MEN1: variants seen among roughly 807,000 people sequenced by gnomAD.
MEN1 encodes the protein menin 1, also known as menin.
Under a neutral mutation model 58.0 loss-of-function variants are expected in MEN1, and 6 were observed. That is an observed-to-expected ratio of 0.10 (90% CI 0.06 to 0.20). The LOEUF (loss-of-function observed/expected upper bound fraction) is 0.20, where lower values mean the gene tolerates loss of function less well. Ranked by LOEUF, MEN1 falls within the 10% of genes least tolerant of loss-of-function variation. The pLI, the probability that MEN1 is intolerant of heterozygous loss-of-function variation, is 1.00. For synonymous variants in MEN1, 346 were observed against 350.7 expected (o/e 0.99, Z 0.15); for missense variants, 492 against 818.5 (o/e 0.60, Z 4.87).
Position 64,810,152 on chromosome 11 carries a change from A to C in MEN1, c.-23-20T>G. On this transcript the variant is annotated intron_variant, in intron 1 of 9. Transcript: ENST00000450708. ...GGCGGCCTGCAAGGCAAGCCGGGGG[A>C]GGGAGGGTCGGGCAGGTTCGGCCGG... 11 of 276,262 alleles carry C rather than the reference A, an allele frequency of 4.0e-5. No individual in the cohort carries two copies. The highest frequency in any genetic ancestry group is 6.9e-5 in the Non-Finnish European group (10 of 145,396). 17.1% of individuals were successfully genotyped at this position (276,262 alleles called of 1,614,324 possible). A position where few individuals can be genotyped will look rare whatever the true frequency, so the allele number is the denominator to read the frequency against.
At position 64,805,039 on chromosome 11, in the gene MEN1, C is replaced by T; in HGVS notation, c.1345G>A (p.Gly449Arg). The change falls in exon 9 of 10, where the codon GGA becomes AGA. Residue 449 changes from glycine (G) to arginine (R), a missense_variant. Gly to Arg is a moderately radical substitution (Grantham distance 125). Transcript: ENST00000450708. ...FLVQSLGRFE[G>R]QVRQKVRIVS... ...TCTGTGCAGCTGTCCCTCACCTGTCCCTCAAAACGGCCTAGGGACTGCACA... is the reference window on the plus strand; with the variant it reads ...TCTGTGCAGCTGTCCCTCACCTGTCTCTCAAAACGGCCTAGGGACTGCACA... The T allele has an allele frequency of 6.2e-7, 1 of 1,613,868 alleles. No individual in the cohort carries two copies. Among genetic ancestry groups the T allele is most frequent in the Non-Finnish European group, 8.5e-7 (1 of 1,180,034 alleles).
chr11:64,805,273 C>G (rs1275760144), intron 8 of MEN1, 75 bp from the exon 9 acceptor site: 2 of 1,533,658 alleles, frequency 1.3e-6, no homozygotes, highest in East Asian at 2.3e-5. Flanking sequence ...CCAGGCCCCC[C>G]ACCTAGGCAA....
intron 2 of MEN1, 134 bp from the exon 3 acceptor site, chr11:64,808,233 CTA>C (rs1941884092): frequency 1.2e-6 from 1 of 800,284 alleles, no homozygotes; most frequent in Non-Finnish European, 2.0e-6. Flanking sequence ...CTCCTGCCCA[CTA>C]TCCCTCCATC....
Position 64,803,864 on chromosome 11 carries a change from T to C in MEN1, c.*470A>G, listed in dbSNP as rs778272737. 2.2e-4 allele frequency: 55 copies of C among 249,118 alleles called. No individual in the cohort carries two copies. Among genetic ancestry groups the C allele is most frequent in the Non-Finnish European group, 3.1e-4 (39 of 125,774 alleles). The allele number at this position is 249,118 out of a possible 1,614,324, so 15.4% of individuals were successfully genotyped here. On this transcript the variant is annotated 3_prime_UTR_variant, in exon 10 of 10. Coordinates refer to ENST00000450708, the MANE Select transcript of MEN1 (RefSeq NM_001370259.2). Reference sequence around the variant, plus strand: ...GCAGGGAGCTTGGATTCGCAAGATATGGAATTCTGAAGTGCGGAAATATAC... The same window carrying C: ...GCAGGGAGCTTGGATTCGCAAGATACGGAATTCTGAAGTGCGGAAATATAC...
intron 6 of MEN1, 69 bp from the exon 7 acceptor site, chr11:64,806,437 A>G (rs1295555763): frequency 1.9e-6 from 3 of 1,575,004 alleles, no homozygotes; most frequent in Non-Finnish European, 2.6e-6. Context: ...CAAATGCCCC[A>G]CCAGGGCACA....
In MEN1 at chr11:64,810,106, C is replaced by T; in HGVS notation, c.4G>A (p.Gly2Arg). 1 of 1,578,886 alleles carries T rather than the reference C, an allele frequency of 6.3e-7. No homozygotes were observed. Among genetic ancestry groups the T allele is most frequent in the Non-Finnish European group, 8.6e-7 (1 of 1,165,584 alleles). The change falls in exon 2 of 10, where the codon GGG becomes AGG. Residue 2 changes from glycine (G) to arginine (R), a missense_variant. Around this residue, in one of 5 missense-constraint regions of MEN1, gnomAD observed 335 missense variants for 550.3 expected, o/e 0.61. Coordinates refer to ENST00000450708, the MANE Select transcript of MEN1 (RefSeq NM_001370259.2). Reference sequence around the variant, plus strand: ...AGCGTCTTCTGGGCGGCCTTCAGCCCCATGGCGGCGGGCGGTGGGCGGCGG... The same window carrying T: ...AGCGTCTTCTGGGCGGCCTTCAGCCTCATGGCGGCGGGCGGTGGGCGGCGG... M[G>R]LKAAQKTLFP...
In MEN1 at chr11:64,804,980, C is replaced by T. The variant is rs1941596056; in HGVS notation, c.1350+54G>A. On this transcript the variant is annotated intron_variant, in intron 9 of 9. Transcript: ENST00000450708. This position sits in a 1 kb window ranked among gnomAD's most constrained non-coding sequence, Gnocchi z 4.2. The stretch of plus-strand genomic sequence containing the variant: ...CTGGGCCAGAAAAGTCTGACAAGCC[C>T]GTGGCTGCTGTCACCACCTGTAGTG... 5 of 1,607,364 alleles carry T rather than the reference C, an allele frequency of 3.1e-6. No individual in the cohort carries two copies. Among genetic ancestry groups the T allele is most frequent in the Non-Finnish European group, 4.2e-6 (5 of 1,179,630 alleles).
chr11:64,807,268 G>A lies in MEN1; in HGVS notation c.784-49C>T, dbSNP rs200837838. 33 of 1,594,498 alleles carry A rather than the reference G, an allele frequency of 2.1e-5. No homozygotes were observed. In the East Asian group the frequency reaches 6.3e-4, roughly 30 times the overall value. On this transcript the variant is annotated intron_variant, in intron 4 of 9. Transcript: ENST00000450708. This position sits in a 1 kb window ranked among gnomAD's most constrained non-coding sequence, Gnocchi z 4.9. ...TGAGCCACGGAACAGGGAGGAGAAC[G>A]GGTCCTTAGCCTATCGGGCAGAGGT... is the stretch of plus-strand genomic sequence containing the variant.
intron 6 of MEN1, 86 bp from the exon 7 acceptor site, chr11:64,806,454 AGG>A: frequency 1.3e-6 from 2 of 1,504,344 alleles, no homozygotes; most frequent in Non-Finnish European, 1.8e-6. Flanking sequence ...CACACCCAGA[AGG>A]GGCCACAGGA....
Position 64,807,343 on chromosome 11 carries a change from C to G in MEN1, c.784-124G>C, listed in dbSNP as rs764818962. The G allele has an allele frequency of 3.4e-4, 402 of 1,197,934 alleles. No individual in the cohort carries two copies. Among genetic ancestry groups the G allele is most frequent in the Non-Finnish European group, 4.6e-4 (387 of 834,812 alleles). The allele number at this position is 1,197,934 out of a possible 1,614,324, so 74.2% of individuals were successfully genotyped here. On this transcript the variant is annotated intron_variant, in intron 4 of 9. Coordinates refer to ENST00000450708, the MANE Select transcript of MEN1 (RefSeq NM_001370259.2). This position sits in a 1 kb window ranked among gnomAD's most constrained non-coding sequence, Gnocchi z 4.9. ...CCCACCATGTGGAAGGGCCAAAATT[C>G]TGGGACCAGCCCTTTAATGGAGTCA...
Position 64,804,204 on chromosome 11 carries a change from G to A in MEN1, c.*130C>T. The A allele has an allele frequency of 1.6e-6, 2 of 1,217,728 alleles. No homozygotes were observed. Among genetic ancestry groups the A allele is most frequent in the South Asian group, 2.4e-5 (2 of 82,184 alleles). The allele number at this position is 1,217,728 out of a possible 1,614,324, so 75.4% of individuals were successfully genotyped here. A position where few individuals can be genotyped will look rare whatever the true frequency, so the allele number is the denominator to read the frequency against. On this transcript the variant is annotated 3_prime_UTR_variant, in exon 10 of 10. Transcript: ENST00000450708. The surrounding 1 kb of genome is among the most constrained non-coding windows in gnomAD (Gnocchi z 4.2). ...TGGGTTTGATACAGACTGTACTCGG[G>A]ACCGGGAACCTAGGGTTTGGGTAGA...
At chr11:64,810,160 TC>T in intron 1 of MEN1, 28 bp from the exon 2 acceptor site, 1 of 450,306 alleles carries the variant, frequency 2.2e-6, no homozygotes, top group Admixed American at 2.7e-5. Context: ...GGAGGGAGGG[TC>T]GGGCAGGTTC....
rs1565646437 is a variant in MEN1 at position 64,807,515 on chromosome 11, G to T, written c.783+37C>A. 2 of 1,612,146 alleles carry T rather than the reference G, an allele frequency of 1.2e-6. No individual in the cohort carries two copies. The highest frequency in any genetic ancestry group is 1.7e-6 in the Non-Finnish European group (2 of 1,178,738). ...AGGGTCCCACAGCAAGTCAAGTCTG[G>T]CCTAGCCCAGTCCTGCCCCATTGGC... On this transcript the variant is annotated intron_variant, in intron 4 of 9. Transcript: ENST00000450708. The surrounding 1 kb of genome is among the most constrained non-coding windows in gnomAD (Gnocchi z 4.9).
In MEN1 at chr11:64,805,031, C is replaced by G. The variant is rs769835611; in HGVS notation, c.1350+3G>C. The G allele has an allele frequency of 6.2e-7, 1 of 1,613,630 alleles. No individual in the cohort carries two copies. The highest frequency in any genetic ancestry group is 8.5e-7 in the Non-Finnish European group (1 of 1,180,016). ...CCCAGACCTCTGTGCAGCTGTCCCTCACCTGTCCCTCAAAACGGCCTAGGG... is the reference window on the plus strand; with the variant it reads ...CCCAGACCTCTGTGCAGCTGTCCCTGACCTGTCCCTCAAAACGGCCTAGGG... On this transcript the variant is annotated splice_donor_region_variant and intron_variant, in intron 9 of 9. Coordinates refer to ENST00000450708, the MANE Select transcript of MEN1 (RefSeq NM_001370259.2).
rs757201969 is a variant in MEN1 at position 64,807,704 on chromosome 11, T to C, written c.655-24A>G. 1.4e-5 allele frequency: 22 copies of C among 1,614,050 alleles called. No homozygotes were observed. The highest frequency in any genetic ancestry group is 1.9e-5 in the Non-Finnish European group (22 of 1,180,030). ...CTCTTAGGGGGGGATGAGATCATTA[T>C]GTCTCATGATGGCCCACCCTGTGCC... On this transcript the variant is annotated intron_variant, in intron 3 of 9. Coordinates refer to ENST00000450708, the MANE Select transcript of MEN1 (RefSeq NM_001370259.2). The surrounding 1 kb of genome is among the most constrained non-coding windows in gnomAD (Gnocchi z 4.9).
In MEN1 at chr11:64,806,219, G is replaced by A. The variant is rs533537007; in HGVS notation, c.1049+13C>T. ...AAAGGACAGGCTGCAGGCCCTAGTAGGGGGATCCTCACTCCTGGATGACAG... is the reference window on the plus strand; with the variant it reads ...AAAGGACAGGCTGCAGGCCCTAGTAAGGGGATCCTCACTCCTGGATGACAG... On this transcript the variant is annotated intron_variant, in intron 7 of 9. Coordinates refer to ENST00000450708, the MANE Select transcript of MEN1 (RefSeq NM_001370259.2). The A allele has an allele frequency of 1.9e-6, 3 of 1,613,996 alleles. No homozygotes were observed. The African/African-American group carries it at 4.0e-5, about 22-fold the overall frequency.
At position 64,805,192 on chromosome 11, in the gene MEN1, G is replaced by C. The variant is rs886039418; in HGVS notation, c.1192C>G (p.Gln398Glu). Reference sequence around the variant, plus strand: ...TCCTGGAGGGCGGAACCTTGGCTCTGGGTGCCCTGGACGAGGGGGAAGGGA... The same window carrying C: ...TCCTGGAGGGCGGAACCTTGGCTCTCGGTGCCCTGGACGAGGGGGAAGGGA... ...ERPGEQSQGT[Q>E]SQGSALQDPE... The change falls in exon 9 of 10, where the codon CAG becomes GAG. Residue 398 changes from glutamine (Q) to glutamate (E), a missense_variant. Gln to Glu is a conservative substitution (Grantham distance 29, BLOSUM62 2). Coordinates refer to ENST00000450708, the MANE Select transcript of MEN1 (RefSeq NM_001370259.2). The C allele has an allele frequency of 6.2e-7, 1 of 1,613,498 alleles. No individual in the cohort carries two copies. The highest frequency in any genetic ancestry group is 1.7e-5 in the Admixed American group (1 of 60,022).
In MEN1 at chr11:64,807,014, G is replaced by A. The variant is rs878855200; in HGVS notation, c.909C>T (p.His303=). The A allele has an allele frequency of 1.1e-5, 18 of 1,612,678 alleles. No homozygotes were observed. Among genetic ancestry groups the A allele is most frequent in the Admixed American group, 1.7e-5 (1 of 60,030 alleles). ...CACCCTCCTTAGATGCCCCCACCTT[G>A]TGGTAGAGGGTGAGTGGGTCTGGCC... The part of the protein sequence containing the change: ...PGRPDPLTLY[H]KGIASAKTYY... Residue 303 remains histidine (H), a synonymous_variant, in exon 6 of 10, where the codon CAC becomes CAT. Transcript: ENST00000450708. This position sits in a 1 kb window ranked among gnomAD's most constrained non-coding sequence, Gnocchi z 4.9.
At chr11:64,806,871 T>A in intron 6 of MEN1, 140 bp downstream of exon 6, 1 of 786,398 alleles carries the variant, frequency 1.3e-6, no homozygotes, top group Non-Finnish European at 2.1e-6. Flanking sequence ...GAACTGATTC[T>A]GCACACAGTT....
Sources: allele counts gnomAD v4.1 joint callset, GRCh38; gene constraint gnomAD v4.1.1; regional missense constraint gnomAD v4.1.1; non-coding constraint Gnocchi (gnomAD v3.1); transcripts MANE v1.5; gene names NCBI Gene and HGNC (gene_info 2026-07-23, HGNC 2026-07-21).